The following MAGI2 variants were observed in gnomAD, a reference collection of about 807,000 sequenced individuals.
The protein encoded by MAGI2 is membrane-associated guanylate kinase, WW and PDZ domain-containing protein 2.
MAGI2 carries 35 observed loss-of-function variants against 133.3 expected under a neutral mutation model. That is an observed-to-expected ratio of 0.26 (90% CI 0.20 to 0.35). MAGI2 has a LOEUF of 0.35. Ranked by LOEUF, MAGI2 falls within the 10% of genes least tolerant of loss-of-function variation. The pLI is 1.00. For missense variants in MAGI2, 1,636 were observed against 1,863.4 expected (o/e 0.88, Z 2.25); for synonymous variants, 729 against 710.6 (o/e 1.03, Z -0.41).
intron 2 of MAGI2, among the ~76,000 whole-genome samples, chr7:78,688,349 C>A (rs1816602329): frequency 6.6e-6 from 1 of 152,158 alleles, no homozygotes; most frequent in African/African-American, 2.4e-5. Flanking sequence ...AAAGGACCAA[C>A]CAATTATTTT....
At chr7:78,869,416 G>A (rs1420327327) in intron 2 of MAGI2, among the ~76,000 whole-genome samples, 2 of 152,232 alleles carry the variant, frequency 1.3e-5, no homozygotes, top group Non-Finnish European at 2.9e-5. Context: ...TGAGAGATGA[G>A]AATCTAGTTT....
At chr7:78,170,753 A>G (rs1826034662) in intron 14 of MAGI2, 1 of 151,946 alleles carries the variant, frequency 6.6e-6, no homozygotes, top group South Asian at 2.1e-4. Context: ...CTTCAATTGA[A>G]TATCTAATAA....
At chr7:78,101,135 A>G (rs1021525616) in intron 20 of MAGI2, among the ~76,000 whole-genome samples, 2 of 152,222 alleles carry the variant, frequency 1.3e-5, no homozygotes, top group Non-Finnish European at 2.9e-5. Context: ...TGCCCAAATG[A>G]TCAACAGATT....
At chr7:78,600,472 A>C (rs1232446994) in intron 3 of MAGI2, among the ~76,000 whole-genome samples, 1 of 152,202 alleles carries the variant, frequency 6.6e-6, no homozygotes, top group African/African-American at 2.4e-5. Flanking sequence ...TTGAAGTAAG[A>C]AGGGGAAAAA....
At chr7:79,368,847 C>CAAAAAAAAAAA (rs71095400) in intron 1 of MAGI2, among the ~76,000 whole-genome samples, 1 of 75,332 alleles carries the variant, frequency 1.3e-5, no homozygotes, top group African/African-American at 4.1e-5. Flanking sequence ...GACTCCGTCT[C>CAAAAAAAAAAA]AAAAAAAAAA....
At chr7:78,670,742 G>A (rs1051113854) in intron 2 of MAGI2, among the ~76,000 whole-genome samples, 2 of 152,132 alleles carry the variant, frequency 1.3e-5, no homozygotes, top group Admixed American at 1.3e-4. Flanking sequence ...CAATGGAACA[G>A]AACAGAGCCC....
Position 78,501,242 on chromosome 7 carries a change from C to T in MAGI2, c.965+335G>A, listed in dbSNP as rs150437063. On this transcript the variant is annotated intron_variant, in intron 5 of 21. Transcript: ENST00000354212. ...GGAAAAAAATTTCATTTTGACAAGA[C>T]GGGGGTCTTAGGAGGAGCTGAGTAA... Among the ~76,000 whole-genome samples the T allele has an allele frequency of 5.9e-3, 900 of 152,168 alleles. 10 individuals are homozygous for T. The highest frequency in any genetic ancestry group is 0.021 in the African/African-American group (857 of 41,520).
chr7:78,855,009 C>T (rs565590751), intron 2 of MAGI2, among the ~76,000 whole-genome samples: 19 of 145,850 alleles, frequency 1.3e-4, no homozygotes, highest in South Asian at 4.8e-4. Flanking sequence ...CTTACCACGA[C>T]GCCCAGCAAA....
intron 1 of MAGI2, among the ~76,000 whole-genome samples, chr7:79,370,456 T>C (rs1278461963): frequency 1.3e-5 from 2 of 152,074 alleles, no homozygotes; most frequent in East Asian, 3.9e-4. Flanking sequence ...AAAAAATGCA[T>C]GTCTTACTCA....
At chr7:79,087,596 A>G (rs545526210) in intron 1 of MAGI2, among the ~76,000 whole-genome samples, 9 of 151,594 alleles carry the variant, frequency 5.9e-5, no homozygotes, top group Non-Finnish European at 1.2e-4. Flanking sequence ...AAGTGATTAA[A>G]AGTGGAAGAT....
chr7:78,600,741 G>A (rs1391862731), intron 3 of MAGI2, among the ~76,000 whole-genome samples: 5 of 152,184 alleles, frequency 3.3e-5, no homozygotes, highest in Non-Finnish European at 7.4e-5. Context: ...AGGTGTGTGT[G>A]TGTGTGGGTG....
chr7:78,144,106 C>T (rs2150564777), intron 16 of MAGI2, among the ~76,000 whole-genome samples: 1 of 152,100 alleles, frequency 6.6e-6, no homozygotes, highest in South Asian at 2.1e-4. Flanking sequence ...CCTCAAAGAG[C>T]TCTATGAGAA....
chr7:78,091,858 G>C (rs1817246406), intron 20 of MAGI2, among the ~76,000 whole-genome samples: 2 of 152,186 alleles, frequency 1.3e-5, no homozygotes, highest in African/African-American at 4.8e-5. Flanking sequence ...GACATTGTTT[G>C]CAAATACATA....
rs987774760 is a variant in MAGI2, at chr7:79,453,397, G to A, written c.-77C>T. 21 of 1,518,736 alleles carry A rather than the reference G, an allele frequency of 1.4e-5. No homozygotes were observed. Among genetic ancestry groups the A allele is most frequent in the Middle Eastern group, 1.8e-4 (1 of 5,626 alleles). 94.1% of individuals were successfully genotyped at this position (1,518,736 alleles called of 1,614,324 possible). On this transcript the variant is annotated 5_prime_UTR_variant, in exon 1 of 22. Coordinates refer to ENST00000354212, the MANE Select transcript of MAGI2 (RefSeq NM_012301.4). The stretch of plus-strand genomic sequence containing the variant: ...TGGTGGTGAGAGAATGAGGATGGAG[G>A]AGCAAGGGGGCCCAGGGGGAAGAAC...
At chr7:79,138,346 C>A (rs746215569) in intron 1 of MAGI2, among the ~76,000 whole-genome samples, 1 of 152,238 alleles carries the variant, frequency 6.6e-6, no homozygotes, top group East Asian at 1.9e-4. Context: ...ACATTTGAGA[C>A]CCTCTTCTTT....
At chr7:78,395,120 C>A (rs1796225798) in intron 6 of MAGI2, among the ~76,000 whole-genome samples, 1 of 152,154 alleles carries the variant, frequency 6.6e-6, no homozygotes, top group African/African-American at 2.4e-5. Flanking sequence ...CTTCAGAAAG[C>A]TGTCTTGTCT....
At chr7:78,190,092 C>T (rs1273679261) in intron 12 of MAGI2, among the ~76,000 whole-genome samples, 3 of 152,080 alleles carry the variant, frequency 2.0e-5, no homozygotes, top group African/African-American at 7.2e-5. Context: ...TGATGTTGAA[C>T]CTGACTTATT....
intron 6 of MAGI2, among the ~76,000 whole-genome samples, chr7:78,385,801 A>T (rs371877608): frequency 1.3e-5 from 2 of 152,190 alleles, no homozygotes; most frequent in Non-Finnish European, 2.9e-5. Flanking sequence ...ATATACCTTC[A>T]TTTAGGTTAT....
At chr7:78,503,088 T>C (rs879293752) in intron 4 of MAGI2, among the ~76,000 whole-genome samples, 2 of 152,112 alleles carry the variant, frequency 1.3e-5, no homozygotes, top group Admixed American at 6.6e-5. Context: ...GCATCAGACC[T>C]TTTATCTGTA....
Sources: allele counts gnomAD v4.1 joint callset (sites outside exome capture counted in the v4.1 genomes callset), GRCh38; gene constraint gnomAD v4.1.1; transcripts MANE v1.5; gene names NCBI Gene and HGNC (gene_info 2026-07-23, HGNC 2026-07-21).